GREB1: variants seen among roughly 807,000 people sequenced by gnomAD.
GREB1 encodes protein GREB1.
A neutral mutation model predicts 200.7 loss-of-function variants in GREB1; 106 were observed. The ratio of observed to expected loss-of-function variants is 0.53; its 90% CI spans 0.45 to 0.62. The LOEUF (loss-of-function observed/expected upper bound fraction) is 0.62, where lower values mean the gene tolerates loss of function less well. Among genes scored for constraint, GREB1 ranks in the 20% least tolerant of loss-of-function variants. The pLI is 0.00. For synonymous variants in GREB1, 1,132 were observed against 1,092.4 expected, an observed-to-expected ratio of 1.04 and a Z score of -0.72; for missense variants, 2,243 against 2,556.8, an observed-to-expected ratio of 0.88 and a Z score of 2.65.
At chr2:11,517,397 A>G (rs1378794956) in intron 1 of GREB1, 1 of 152,390 alleles carries the variant, frequency 6.6e-6, no homozygotes, top group Non-Finnish European at 1.5e-5. Context: ...AGAGAAAGGG[A>G]TCGATGGCTG....
intron 1 of GREB1, among the ~76,000 whole-genome samples, chr2:11,483,013 T>C (rs1429824243): frequency 1.3e-5 from 2 of 151,250 alleles, no homozygotes; most frequent in African/African-American, 4.8e-5. Context: ...GGCGCGGGGC[T>C]GTGCGGGGCT....
chr2:11,612,399 GT>G, intron 18 of GREB1, 95 bp from the exon 19 acceptor site: 2 of 1,487,866 alleles, frequency 1.3e-6, no homozygotes, highest in Admixed American at 4.1e-5. Context: ...AGTTCAAGGA[GT>G]TTAAATTGGT....
Position 11,593,005 on chromosome 2 carries a change from G to C in GREB1, c.1575G>C (p.Leu525=), listed in dbSNP as rs766737439. The C allele has an allele frequency of 7.6e-5, 123 of 1,611,926 alleles. No homozygotes were observed. The East Asian group carries it at 2.6e-3, about 34-fold the overall frequency. Residue 525 remains leucine, a synonymous_variant, in exon 11 of 33, where the codon CTG becomes CTC. Transcript: ENST00000381486. The stretch of plus-strand genomic sequence containing the variant: ...ACGTCATCGAGTGTGCTTACTCCCT[G>C]GCCGAGGGCCTCTCCGAGATGTTCC... The part of the protein sequence containing the change: ...SVHVIECAYS[L]AEGLSEMFRL...
chr2:11,553,974 A>G (rs987327263), intron 1 of GREB1, among the ~76,000 whole-genome samples: 15 of 152,158 alleles, frequency 9.9e-5, no homozygotes, highest in African/African-American at 2.7e-4. Context: ...CAAAGATGCT[A>G]TGGAAACAGA....
intron 1 of GREB1, among the ~76,000 whole-genome samples, chr2:11,489,528 A>G (rs1672734357): frequency 6.6e-6 from 1 of 152,216 alleles, no homozygotes. Context: ...ACAAAAGATC[A>G]TTGAGACAAA....
Position 11,576,334 on chromosome 2 carries a change from G to T in GREB1, c.455-19G>T, listed in dbSNP as rs1678855938. 3 of 1,574,034 alleles carry T rather than the reference G, an allele frequency of 1.9e-6. No homozygotes were observed. In the East Asian group the frequency reaches 6.7e-5, roughly 35 times the overall value. ...AAAAAAAAAAAAGAAAGATGTTTAT[G>T]GTTTACTTCCTTCTCCAGGTTTCTC... is the stretch of plus-strand genomic sequence containing the variant. On this transcript the variant is annotated intron_variant, in intron 4 of 32. Coordinates refer to ENST00000381486, the MANE Select transcript of GREB1 (RefSeq NM_014668.4).
rs2252958 is a variant in GREB1, at chr2:11,615,317, T to C, written c.3322+27T>C. Reference sequence around the variant, plus strand: ...TGAGGGATGGCTGCCCTCAGCCTACTTGTCCCTGTCTGCATGTCTTTCTTG... The same window carrying C: ...TGAGGGATGGCTGCCCTCAGCCTACCTGTCCCTGTCTGCATGTCTTTCTTG... On this transcript the variant is annotated intron_variant, in intron 20 of 32. Transcript: ENST00000381486. The C allele has an allele frequency of 1.9e-5, 30 of 1,542,568 alleles. 1 individual carries two copies. The South Asian group carries it at 3.4e-4, about 18-fold the overall frequency.
rs74326628 is a variant in GREB1 at position 11,602,768 on chromosome 2, A to G, written c.2666+226A>G. Among the ~76,000 whole-genome samples the G allele has an allele frequency of 5.9e-3, 896 of 152,338 alleles. 9 individuals are homozygous for G. Among genetic ancestry groups the G allele is most frequent in the African/African-American group, 0.02 (835 of 41,576 alleles). ...GCTCTAGAAAATTTTAGAGATGACA[A>G]TGAGCGGAAATATGCTGGAATGTGG... On this transcript the variant is annotated intron_variant, in intron 17 of 32. Transcript: ENST00000381486.
Position 11,635,364 on chromosome 2 carries a change from A to G in GREB1, c.5305A>G (p.Ile1769Val), listed in dbSNP as rs1454583011. Residue 1769 changes from isoleucine (I) to valine (V), a missense_variant, in exon 30 of 33, where the codon ATC (isoleucine) becomes GTC (valine). Ile to Val is a conservative substitution (Grantham distance 29). Around this residue, in one of 3 missense-constraint regions of GREB1, gnomAD observed 478 missense variants for 616.3 expected, o/e 0.78. Transcript: ENST00000381486. Reference sequence around the variant, plus strand: ...CCGCTTCAGCGTGATGAAGAAGCAGATCGTGGTGGGCGGCCACAGGTCCTT... The same window carrying G: ...CCGCTTCAGCGTGATGAAGAAGCAGGTCGTGGTGGGCGGCCACAGGTCCTT... Reference protein sequence around the residue: ...FNRFSVMKKQIVVGGHRSFHI... With the variant: ...FNRFSVMKKQVVVGGHRSFHI... The G allele has an allele frequency of 6.2e-7, 1 of 1,613,888 alleles. No homozygotes were observed.
chr2:11,612,941 T>C (rs1227915500), intron 19 of GREB1, among the ~76,000 whole-genome samples: 1 of 152,186 alleles, frequency 6.6e-6, no homozygotes, highest in Non-Finnish European at 1.5e-5. Flanking sequence ...CTGTGTGTGC[T>C]GGGGATGGCA....
intron 1 of GREB1, among the ~76,000 whole-genome samples, chr2:11,528,999 A>AT (rs1180310952): frequency 6.6e-6 from 1 of 152,122 alleles, no homozygotes; most frequent in East Asian, 1.9e-4. Context: ...GTTTATATAT[A>AT]TTTTTTGCCC....
Position 11,592,832 on chromosome 2 carries a change from C to A in GREB1, c.1402C>A (p.Arg468Ser). 6.3e-7 allele frequency: 1 copy of A among 1,590,928 alleles called. No homozygotes were observed. Among genetic ancestry groups the A allele is most frequent in the Non-Finnish European group, 8.5e-7 (1 of 1,172,698 alleles). ...GGAGCAGATCTTCCTGCGCTCTTGG[C>A]GCGAGTCGCACCTGACCGAGATCCG... ...DLEQIFLRSW[R>S]ESHLTEIRQY... is the part of the protein sequence containing the mutation. Residue 468 changes from arginine to serine, a missense_variant, in exon 11 of 33, where the codon CGC (arginine) becomes AGC (serine). This residue lies in a region of GREB1 where 1,178 missense variants were observed against 1,387.4 expected (regional missense o/e 0.85). Coordinates refer to ENST00000381486, the MANE Select transcript of GREB1 (RefSeq NM_014668.4).
chr2:11,601,397 C>T lies in GREB1; in HGVS notation c.2529+402C>T, dbSNP rs148298617. On this transcript the variant is annotated intron_variant, in intron 16 of 32. Transcript: ENST00000381486. ...AGGAAGGTTCCTGTTTTCCCTATCC[C>T]TGCATCCTTAAGTAGTGAGATTCAG... Among the ~76,000 whole-genome samples the T allele has an allele frequency of 2.2e-3, 334 of 152,328 alleles. 2 individuals carry two copies. Among genetic ancestry groups the T allele is most frequent in the African/African-American group, 7.7e-3 (322 of 41,576 alleles).
At chr2:11,553,230 T>C (rs1337232715) in intron 1 of GREB1, among the ~76,000 whole-genome samples, 17 of 152,126 alleles carry the variant, frequency 1.1e-4, no homozygotes. Context: ...AAAACTTTAC[T>C]GGGCGGGCAT....
chr2:11,489,974 CAA>C (rs10588985), intron 1 of GREB1, among the ~76,000 whole-genome samples: 70,823 of 148,434 alleles, frequency 0.48, 17,550 homozygotes, highest in East Asian at 0.68. Flanking sequence ...AGATATATAA[CAA>C]ATAATATTGT....
In GREB1 at chr2:11,568,521, T is replaced by C. The variant is rs528691587; in HGVS notation, c.454+1865T>C. ...AGAAAACCCACTCTAGCAAAGAAGC[T>C]GATGGAATAATTCAATGACAGACTG... On this transcript the variant is annotated intron_variant, in intron 4 of 32. Transcript: ENST00000381486. Among the ~76,000 whole-genome samples the C allele has an allele frequency of 5.3e-5, 8 of 152,332 alleles. 1 individual carries two copies. In the South Asian group the frequency reaches 1.7e-3, roughly 32 times the overall value.
intron 18 of GREB1, among the ~76,000 whole-genome samples, chr2:11,612,066 C>T (rs1468647154): frequency 1.3e-5 from 2 of 152,044 alleles, no homozygotes; most frequent in East Asian, 1.9e-4. Flanking sequence ...GGGTGGCGTG[C>T]GCCTGTAGTC....
chr2:11,536,014 T>G (rs1277672269), intron 1 of GREB1, among the ~76,000 whole-genome samples: 1 of 152,162 alleles, frequency 6.6e-6, no homozygotes, highest in Non-Finnish European at 1.5e-5. Flanking sequence ...AGGGCGTACA[T>G]CTGCATGTTC....
chr2:11,538,014 C>A (rs1572612353), intron 1 of GREB1, among the ~76,000 whole-genome samples: 1 of 152,034 alleles, frequency 6.6e-6, no homozygotes, highest in East Asian at 1.9e-4. Flanking sequence ...TTCCAGTTTC[C>A]CACCGTCACA....
Sources: allele counts gnomAD v4.1 joint callset (sites outside exome capture counted in the v4.1 genomes callset), GRCh38; gene constraint gnomAD v4.1.1; regional missense constraint gnomAD v4.1.1; transcripts MANE v1.5; gene names NCBI Gene and HGNC (gene_info 2026-07-23, HGNC 2026-07-21).